Variants in RERE observed in about 807,000 individuals in gnomAD.
RERE encodes arginine-glutamic acid dipeptide repeats, also known as arginine-glutamic acid dipeptide repeats protein.
RERE carries 40 observed loss-of-function variants against 146.1 expected under a neutral mutation model. That is an observed-to-expected ratio of 0.27 (90% CI 0.21 to 0.36). The LOEUF (loss-of-function observed/expected upper bound fraction) is 0.36. RERE is among the 10% of genes least tolerant of loss of function. The probability of loss-of-function intolerance (pLI) is 1.00; values close to 1 mark genes in which losing one functional copy is unlikely to be tolerated. For missense variants in RERE, 1,933 were observed against 2,138.7 expected (o/e 0.90, Z 1.90); for synonymous variants, 1,003 against 866.0 (o/e 1.16, Z -2.78).
intron 1 of RERE, among the ~76,000 whole-genome samples, chr1:8,766,559 A>G (rs976740462): frequency 2.5e-4 from 38 of 151,760 alleles, no homozygotes; most frequent in Middle Eastern, 3.4e-3. Flanking sequence ...AAAAAAAAAA[A>G]AAAAGAAAAG....
At chr1:8,790,135 C>G (rs1172246279) in intron 1 of RERE, among the ~76,000 whole-genome samples, 1 of 152,136 alleles carries the variant, frequency 6.6e-6, no homozygotes, top group Admixed American at 6.6e-5. Context: ...GAAAGATGAG[C>G]CAGAGAGCAT....
At chr1:8,643,653 C>A (rs1435538244) in intron 2 of RERE, among the ~76,000 whole-genome samples, 1 of 152,160 alleles carries the variant, frequency 6.6e-6, no homozygotes, top group Non-Finnish European at 1.5e-5. Context: ...TACATGAAAA[C>A]AACAGATGCT....
At chr1:8,482,180 T>C (rs1644843709) in intron 10 of RERE, among the ~76,000 whole-genome samples, 1 of 150,446 alleles carries the variant, frequency 6.6e-6, no homozygotes, top group South Asian at 2.1e-4. Context: ...TGCCTAGGGC[T>C]GCTCAATAAA....
chr1:8,526,083 T>C, intron 7 of RERE: 1 of 1,143,288 alleles, frequency 8.7e-7, no homozygotes, highest in African/African-American at 1.6e-5. Flanking sequence ...CAACAGACTC[T>C]GCAGCTTCTC....
intron 2 of RERE, among the ~76,000 whole-genome samples, chr1:8,647,089 A>G (rs1317059028): frequency 6.6e-6 from 1 of 152,198 alleles, no homozygotes; most frequent in Non-Finnish European, 1.5e-5. Context: ...AAGAAATGAA[A>G]AAGAGGTAAC....
At chr1:8,797,100 C>T (rs986022245) in intron 1 of RERE, among the ~76,000 whole-genome samples, 1 of 151,958 alleles carries the variant, frequency 6.6e-6, no homozygotes, top group African/African-American at 2.4e-5. Context: ...AAGCCAGGAA[C>T]GGTGTGGCTC....
intron 2 of RERE, among the ~76,000 whole-genome samples, chr1:8,638,932 C>T (rs1647138558): frequency 6.6e-6 from 1 of 151,812 alleles, no homozygotes; most frequent in Admixed American, 6.6e-5. Flanking sequence ...CGCCAACACG[C>T]CCGGCTAATT....
chr1:8,606,199 C>T (rs1162709884), intron 4 of RERE, among the ~76,000 whole-genome samples: 1 of 152,106 alleles, frequency 6.6e-6, no homozygotes, highest in Non-Finnish European at 1.5e-5. Flanking sequence ...TGAAATTACA[C>T]GACCTTTCAA....
chr1:8,774,347 A>ATTTTTTTTTTTTTTTTTTTT (rs34859762), intron 1 of RERE, among the ~76,000 whole-genome samples: 1 of 93,180 alleles, frequency 1.1e-5, no homozygotes, highest in African/African-American at 4.0e-5. Flanking sequence ...TTGGCAAACT[A>ATTTTTTTTTTTTTTTTTTTT]TTTTTTTTTT....
chr1:8,542,679 A>G (rs1359116661), intron 6 of RERE, among the ~76,000 whole-genome samples: 3 of 152,028 alleles, frequency 2.0e-5, no homozygotes. Flanking sequence ...GTTAATTTTA[A>G]AATTTTTTGT....
At chr1:8,660,803 A>G (rs760098427) in intron 1 of RERE, among the ~76,000 whole-genome samples, 2 of 152,264 alleles carry the variant, frequency 1.3e-5, no homozygotes, top group African/African-American at 4.8e-5. Context: ...CAACCCAGTG[A>G]AACAGGAAAC....
chr1:8,433,557 T>C (rs1011076971), intron 11 of RERE, among the ~76,000 whole-genome samples: 1 of 149,022 alleles, frequency 6.7e-6, no homozygotes, highest in African/African-American at 2.5e-5. Flanking sequence ...TCATTTCTTT[T>C]TTTTTTTTTT....
At chr1:8,605,776 T>TA (rs915731600) in intron 4 of RERE, among the ~76,000 whole-genome samples, 4 of 95,096 alleles carry the variant, frequency 4.2e-5, no homozygotes, top group African/African-American at 8.1e-5. Flanking sequence ...AAAAAACCCC[T>TA]AAAAAAAGTG....
intron 1 of RERE, among the ~76,000 whole-genome samples, chr1:8,800,194 CCCTGCAG>C (rs1327044629): frequency 6.6e-6 from 1 of 151,248 alleles, no homozygotes; most frequent in African/African-American, 2.4e-5. Flanking sequence ...GATTGGACAC[CCCTGCAG>C]TGAGCCATGA....
intron 1 of RERE, among the ~76,000 whole-genome samples, chr1:8,697,389 C>A (rs1404162946): frequency 4.5e-5 from 6 of 132,524 alleles, no homozygotes; most frequent in South Asian, 2.5e-4. Flanking sequence ...ACACCCCCCC[C>A]ACACAACTTT....
intron 4 of RERE, among the ~76,000 whole-genome samples, chr1:8,594,912 G>A (rs1646537241): frequency 6.6e-6 from 1 of 152,086 alleles, no homozygotes; most frequent in Non-Finnish European, 1.5e-5. Context: ...TAATCCCAGT[G>A]CCTTGGGAGG....
At chr1:8,654,889 C>T (rs963753095) in intron 2 of RERE, among the ~76,000 whole-genome samples, 9 of 151,828 alleles carry the variant, frequency 5.9e-5, no homozygotes, top group African/African-American at 1.9e-4. Flanking sequence ...CTTCTGTCTC[C>T]GCCTCCCAAA....
intron 16 of RERE, 29 bp from the exon 17 acceptor site, chr1:8,361,905 T>A: frequency 1.3e-6 from 2 of 1,525,600 alleles, no homozygotes; most frequent in East Asian, 2.3e-5. Context: ...CAAGGAGCAA[T>A]CAGGCCAAGG....
intron 12 of RERE, among the ~76,000 whole-genome samples, chr1:8,395,466 C>T (rs985658153): frequency 7.1e-6 from 1 of 141,016 alleles, no homozygotes; most frequent in Non-Finnish European, 1.5e-5. Context: ...CAGAGTGAGG[C>T]TCTGTCTCAA....
Sources: gnomAD v4.1 joint callset for allele counts (sites outside exome capture counted in the v4.1 genomes callset) on GRCh38, gnomAD v4.1.1 for gene constraint, MANE v1.5 for transcripts, NCBI Gene and HGNC (gene_info 2026-07-23, HGNC 2026-07-21) for gene names.